Variants in PRKRIP1 observed in about 807,000 individuals in gnomAD.
PRKRIP1 encodes the protein PRKR-interacting protein 1.
In PRKRIP1, 29 loss-of-function variants were observed where a neutral mutation model predicts 29.3. The ratio of observed to expected loss-of-function variants is 0.99; its 90% CI spans 0.74 to 1.35. PRKRIP1 has a LOEUF of 1.35. Among genes scored for constraint, PRKRIP1 ranks in the 40% most tolerant of loss-of-function variants. PRKRIP1 has a pLI of 0.00. For synonymous variants in PRKRIP1, 90 were observed against 85.1 expected (o/e 1.06, Z -0.32); for missense variants, 247 against 236.8 (o/e 1.04, Z -0.28).
intron 5 of PRKRIP1, among the ~76,000 whole-genome samples, chr7:102,411,996 G>A (rs1386040458): frequency 6.6e-6 from 1 of 151,932 alleles, no homozygotes; most frequent in African/African-American, 2.4e-5. Context: ...AGGCTGGAGT[G>A]CAGTGGCGTG....
chr7:102,410,303 A>G (rs1484398273), intron 5 of PRKRIP1, among the ~76,000 whole-genome samples: 5 of 152,118 alleles, frequency 3.3e-5, no homozygotes, highest in African/African-American at 7.2e-5. Flanking sequence ...GTTTGTGTCA[A>G]TCGTTACTGC....
At chr7:102,399,001 G>A (rs1795994594) in intron 2 of PRKRIP1, among the ~76,000 whole-genome samples, 1 of 152,072 alleles carries the variant, frequency 6.6e-6, no homozygotes, top group African/African-American at 2.4e-5. Flanking sequence ...GCATGCCTCT[G>A]GTCCCAGCTA....
chr7:102,421,448 G>A (rs28879187), intron 5 of PRKRIP1, among the ~76,000 whole-genome samples: 11,741 of 151,962 alleles, frequency 0.077, 512 homozygotes, highest in African/African-American at 0.11. Context: ...AGGAGGCTAC[G>A]GTGAGCCGTG....
intron 5 of PRKRIP1, among the ~76,000 whole-genome samples, chr7:102,422,191 C>T (rs1268294279): frequency 3.4e-5 from 3 of 88,334 alleles, no homozygotes; most frequent in Non-Finnish European, 5.0e-5. Context: ...TTATTATTAT[C>T]AGAGACGGAT....
At chr7:102,418,364 G>A (rs1460836498) in intron 5 of PRKRIP1, among the ~76,000 whole-genome samples, 2 of 151,974 alleles carry the variant, frequency 1.3e-5, no homozygotes, top group Non-Finnish European at 2.9e-5. Context: ...GCTGCTTTTA[G>A]AGAAATGGTA....
chr7:102,412,519 C>A (rs111593761), intron 5 of PRKRIP1, among the ~76,000 whole-genome samples: 8,023 of 152,296 alleles, frequency 0.053, 274 homozygotes, highest in Non-Finnish European at 0.074. Flanking sequence ...TGCACCACTG[C>A]ACTCCAGCCT....
Position 102,397,690 on chromosome 7 carries a change from A to T in PRKRIP1, c.197A>T (p.Asp66Val). Residue 66 changes from aspartate to valine, a missense_variant, in exon 2 of 6, where the codon GAT (aspartate) becomes GTT (valine). By Grantham distance (152) the Asp-to-Val change is radical (BLOSUM62 -3). Coordinates refer to ENST00000397912, the MANE Select transcript of PRKRIP1 (RefSeq NM_024653.4). Reference sequence around the variant, plus strand: ...CGACCTCCCCCAGAATTTGTCCGAGATGTCATGGGTAATGGCTGTGTGTGT... The same window carrying T: ...CGACCTCCCCCAGAATTTGTCCGAGTTGTCATGGGTAATGGCTGTGTGTGT... ...APRPPPEFVR[D>V]VMGSSAGAGS... The T allele has an allele frequency of 6.2e-7, 1 of 1,610,952 alleles. No individual in the cohort carries two copies. The highest frequency in any genetic ancestry group is 8.5e-7 in the Non-Finnish European group (1 of 1,179,042).
At chr7:102,401,729 G>C (rs1317584246) in intron 3 of PRKRIP1, among the ~76,000 whole-genome samples, 1 of 151,330 alleles carries the variant, frequency 6.6e-6, no homozygotes, top group Non-Finnish European at 1.5e-5. Context: ...GTGAAACTCT[G>C]TCTCAAAAAA....
intron 5 of PRKRIP1, among the ~76,000 whole-genome samples, chr7:102,418,942 G>A (rs148380330): frequency 5.3e-5 from 8 of 151,468 alleles, no homozygotes; most frequent in African/African-American, 1.9e-4. Flanking sequence ...GCGATCCTCC[G>A]GCCTCAACCT....
intron 4 of PRKRIP1, 61 bp from the exon 5 acceptor site, chr7:102,407,373 A>G (rs1243181481): frequency 3.3e-5 from 36 of 1,098,868 alleles, no homozygotes; most frequent in Non-Finnish European, 4.7e-5. Context: ...GGAGGTGTTT[A>G]TTTTCTAAAA....
chr7:102,397,685 C>T lies in PRKRIP1; in HGVS notation c.192C>T (p.Val64=), dbSNP rs1554570591. The change falls in exon 2 of 6, where the codon GTC becomes GTT. Residue 64 remains valine (V), a synonymous_variant. Coordinates refer to ENST00000397912, the MANE Select transcript of PRKRIP1 (RefSeq NM_024653.4). ...EWAPRPPPEF[V]RDVMGSSAGA... ...CACCTCGACCTCCCCCAGAATTTGT[C>T]CGAGATGTCATGGGTAATGGCTGTG... The T allele has an allele frequency of 6.2e-7, 1 of 1,612,396 alleles. No individual in the cohort carries two copies. The highest frequency in any genetic ancestry group is 2.2e-5 in the East Asian group (1 of 44,812).
chr7:102,397,659 G>A lies in PRKRIP1; in HGVS notation c.166G>A (p.Ala56Thr), dbSNP rs1795948239. The A allele has an allele frequency of 6.2e-7, 1 of 1,613,912 alleles. No individual in the cohort carries two copies. The change falls in exon 2 of 6, where the codon GCA becomes ACA. Residue 56 changes from alanine (A) to threonine (T), a missense_variant. Transcript: ENST00000397912. ...VPIPEKMSEW[A>T]PRPPPEFVRD... Reference sequence around the variant, plus strand: ...AATTCCAGAGAAAATGAGTGAATGGGCACCTCGACCTCCCCCAGAATTTGT... The same window carrying A: ...AATTCCAGAGAAAATGAGTGAATGGACACCTCGACCTCCCCCAGAATTTGT...
chr7:102,425,243 G>C lies in PRKRIP1; in HGVS notation c.*132G>C, dbSNP rs570938298. 92 of 1,513,272 alleles carry C rather than the reference G, an allele frequency of 6.1e-5. No homozygotes were observed. In the African/African-American group the frequency reaches 1.0e-3, roughly 16 times the overall value. 93.7% of individuals were successfully genotyped at this position (1,513,272 alleles called of 1,614,324 possible). ...ATGGAGAGCAAAGGAGACCCCTCCC[G>C]AGCCGCTCACAGTCCTGTATTTGGC... On this transcript the variant is annotated 3_prime_UTR_variant, in exon 6 of 6. Transcript: ENST00000397912.
In PRKRIP1 at chr7:102,425,239, T is replaced by C. The variant is rs1554574307; in HGVS notation, c.*128T>C. On this transcript the variant is annotated 3_prime_UTR_variant, in exon 6 of 6. Coordinates refer to ENST00000397912, the MANE Select transcript of PRKRIP1 (RefSeq NM_024653.4). Reference sequence around the variant, plus strand: ...CTGGATGGAGAGCAAAGGAGACCCCTCCCGAGCCGCTCACAGTCCTGTATT... The same window carrying C: ...CTGGATGGAGAGCAAAGGAGACCCCCCCCGAGCCGCTCACAGTCCTGTATT... The C allele has an allele frequency of 2.6e-6, 4 of 1,514,998 alleles. No homozygotes were observed. Among genetic ancestry groups the C allele is most frequent in the Non-Finnish European group, 3.5e-6 (4 of 1,136,944 alleles). The allele number at this position is 1,514,998 out of a possible 1,614,324, so 93.8% of individuals were successfully genotyped here. A position where few individuals can be genotyped will look rare whatever the true frequency, so the allele number is the denominator to read the frequency against.
At chr7:102,399,777 G>A (rs1201967241) in intron 3 of PRKRIP1, 129 bp downstream of exon 3, 12 of 650,656 alleles carry the variant, frequency 1.8e-5, no homozygotes, top group East Asian at 1.1e-4. Context: ...TTGGAAGGCC[G>A]AGGCAGGGGA....
At chr7:102,396,645 C>A in intron 1 of PRKRIP1, 108 bp downstream of exon 1, 1 of 1,208,644 alleles carries the variant, frequency 8.3e-7, no homozygotes, top group Non-Finnish European at 1.2e-6. Flanking sequence ...CTCAGAAACT[C>A]AGTATCCGAC....
chr7:102,422,707 C>A (rs2133206257), intron 5 of PRKRIP1, among the ~76,000 whole-genome samples: 1 of 152,200 alleles, frequency 6.6e-6, no homozygotes, highest in South Asian at 2.1e-4. Context: ...ACACTCCTGA[C>A]CTCGAGTGAT....
intron 5 of PRKRIP1, among the ~76,000 whole-genome samples, chr7:102,424,228 G>A (rs1438773843): frequency 4.6e-5 from 7 of 152,242 alleles, no homozygotes; most frequent in East Asian, 1.9e-4. Flanking sequence ...TGTAGTGGGC[G>A]TGTGGGTGGC....
At chr7:102,398,964 A>T (rs1228971385) in intron 2 of PRKRIP1, among the ~76,000 whole-genome samples, 1 of 152,132 alleles carries the variant, frequency 6.6e-6, no homozygotes, top group African/African-American at 2.4e-5. Context: ...TCTACTAAAA[A>T]TGTAAAAATT....
Sources: gnomAD v4.1 joint callset for allele counts (sites outside exome capture counted in the v4.1 genomes callset) on GRCh38, gnomAD v4.1.1 for gene constraint, MANE v1.5 for transcripts, NCBI Gene and HGNC (gene_info 2026-07-23, HGNC 2026-07-21) for gene names.